DST: variants seen among roughly 807,000 people sequenced by gnomAD.
DST encodes the protein bullous pemphigoid antigen.
In DST, 253 loss-of-function variants were observed where a neutral mutation model predicts 875.2. That is an observed-to-expected ratio of 0.29 (90% CI 0.26 to 0.32). The LOEUF (loss-of-function observed/expected upper bound fraction) is 0.32, where lower values mean the gene tolerates loss of function less well. Among genes scored for constraint, DST ranks in the 10% least tolerant of loss-of-function variants. DST has a pLI of 1.00. For missense variants in DST, 8,287 were observed against 9,111.6 expected (o/e 0.91, Z 3.68); for synonymous variants, 3,124 against 3,197.1 (o/e 0.98, Z 0.77).
At chr6:56,856,488 A>C (rs575343637) in intron 3 of DST, among the ~76,000 whole-genome samples, 4 of 152,310 alleles carry the variant, frequency 2.6e-5, no homozygotes, top group South Asian at 2.1e-4. Flanking sequence ...ACCAAAAAAA[A>C]CCCAAAAATA....
At chr6:56,496,343 T>A (rs1198529744) in intron 82 of DST, among the ~76,000 whole-genome samples, 1 of 152,110 alleles carries the variant, frequency 6.6e-6, no homozygotes, top group East Asian at 1.9e-4. Context: ...TCACATGATC[T>A]AGGTAGGAAC....
rs111874504 is a variant in DST at position 56,869,247 on chromosome 6, A to G, written c.418-17643T>C. Among the ~76,000 whole-genome samples the G allele has an allele frequency of 3.1e-3, 476 of 152,338 alleles. 3 individuals are homozygous for G. The highest frequency in any genetic ancestry group is 0.011 in the African/African-American group (455 of 41,586). On this transcript the variant is annotated intron_variant, in intron 3 of 103. Coordinates refer to ENST00000680361, the MANE Select transcript of DST (RefSeq NM_001374736.1). ...TTCCTAACAAACCTTCCTGCTGTACAGTAGCTAAAAATGCTGGATAAAATA... is the reference window on the plus strand; with the variant it reads ...TTCCTAACAAACCTTCCTGCTGTACGGTAGCTAAAAATGCTGGATAAAATA...
chr6:56,892,721 C>T (rs1413632920), intron 3 of DST, among the ~76,000 whole-genome samples: 3 of 152,170 alleles, frequency 2.0e-5, no homozygotes, highest in Non-Finnish European at 4.4e-5. Context: ...CCTCTTTGTT[C>T]TCTGAATTCC....
intron 2 of DST, among the ~76,000 whole-genome samples, chr6:56,934,969 T>C (rs771736449): frequency 2.0e-5 from 3 of 152,100 alleles, no homozygotes; most frequent in African/African-American, 7.2e-5. Context: ...TAAAAAGAAA[T>C]TTCTTGTTAG....
intron 2 of DST, among the ~76,000 whole-genome samples, chr6:56,947,252 T>C (rs1317660231): frequency 8.4e-6 from 1 of 118,400 alleles, no homozygotes; most frequent in Non-Finnish European, 1.7e-5. Flanking sequence ...TACTCTCTCT[T>C]TTTTTTTTTT....
intron 5 of DST, 136 bp downstream of exon 5, chr6:56,735,092 G>T: frequency 1.5e-6 from 1 of 683,492 alleles, no homozygotes; most frequent in Non-Finnish European, 2.6e-6. Context: ...TGCCTAAAAT[G>T]CATGCAAAAT....
chr6:56,862,958 T>A (rs1347071589), intron 3 of DST: 1 of 152,228 alleles, frequency 6.6e-6, no homozygotes, highest in Non-Finnish European at 1.5e-5. Flanking sequence ...GAGCTCAAGA[T>A]GATGAGGTTC....
At chr6:56,630,193 G>T (rs1346230021) in intron 31 of DST, 52 bp downstream of exon 31, 5 of 1,357,706 alleles carry the variant, frequency 3.7e-6, no homozygotes, top group Non-Finnish European at 5.2e-6. Context: ...AAGTGCTAGA[G>T]AAATACTTGT....
At position 56,619,967 on chromosome 6, in the gene DST, T is replaced by G. The variant is rs200382338; in HGVS notation, c.4929+4563A>C. 1 of 1,614,148 alleles carries G rather than the reference T, an allele frequency of 6.2e-7. No individual in the cohort carries two copies. The highest frequency in any genetic ancestry group is 8.5e-7 in the Non-Finnish European group (1 of 1,180,026). ...GAGTTCTTCTGCTTTCTGCTTGTCATGTTCTTGCTGGAGACCCGTTACTGC... is the reference window on the plus strand; with the variant it reads ...GAGTTCTTCTGCTTTCTGCTTGTCAGGTTCTTGCTGGAGACCCGTTACTGC... On this transcript the variant is annotated intron_variant, in intron 36 of 103. Transcript: ENST00000680361.
At chr6:56,493,139 T>C (rs1200654537) in intron 83 of DST, 50 bp from the exon 84 acceptor site, 1 of 1,542,702 alleles carries the variant, frequency 6.5e-7, no homozygotes, top group African/African-American at 1.4e-5. Context: ...CTTGGTTATT[T>C]TGTTTGTTTC....
At chr6:56,620,076 T>C in intron 36 of DST, 1 of 1,613,744 alleles carries the variant, frequency 6.2e-7, no homozygotes, top group Non-Finnish European at 8.5e-7. Flanking sequence ...ATTTTTCTTC[T>C]TGCTTCCAAT....
At chr6:56,861,456 T>A (rs1025723961) in intron 3 of DST, among the ~76,000 whole-genome samples, 1 of 152,170 alleles carries the variant, frequency 6.6e-6, no homozygotes, top group African/African-American at 2.4e-5. Flanking sequence ...AACCACAGCC[T>A]CCTCTCAAGA....
intron 4 of DST, among the ~76,000 whole-genome samples, chr6:56,779,103 G>A (rs1421159404): frequency 7.2e-5 from 11 of 152,064 alleles, no homozygotes; most frequent in Admixed American, 5.2e-4. Flanking sequence ...GTATCTCATT[G>A]TGGTTTTGAT....
intron 52 of DST, 26 bp downstream of exon 52, chr6:56,572,721 C>T (rs1037162803): frequency 1.2e-5 from 18 of 1,509,242 alleles, no homozygotes; most frequent in African/African-American, 2.8e-5. Context: ...ATCTGATTAG[C>T]CTCCTGAGTA....
At chr6:56,475,394 A>AACACACACACACACACACACACAC (rs35690052) in intron 92 of DST, among the ~76,000 whole-genome samples, 2 of 144,882 alleles carry the variant, frequency 1.4e-5, no homozygotes, top group African/African-American at 5.2e-5. Flanking sequence ...AGGCTTTTAA[A>AACACACACACACACACACACACAC]ACACACACAC....
Position 56,460,162 on chromosome 6 carries a change from AGTT to A in DST, c.23160_23162del (p.Thr7721del), listed in dbSNP as rs767489177. The A allele has an allele frequency of 6.2e-7, 1 of 1,613,868 alleles. No individual in the cohort carries two copies. The highest frequency in any genetic ancestry group is 8.5e-7 in the Non-Finnish European group (1 of 1,179,778). ...ACTGTGTTCGGACTCTGGCAGCTGC[AGTT>A]GTTATCAAGCCACTGTCCTCCCCAG... On this transcript the variant is annotated inframe_deletion, in exon 103 of 104. Transcript: ENST00000680361.
intron 3 of DST, among the ~76,000 whole-genome samples, chr6:56,892,378 C>T (rs1320442686): frequency 6.9e-6 from 1 of 145,650 alleles, no homozygotes; most frequent in Non-Finnish European, 1.5e-5. Context: ...GGCTGGAGTA[C>T]AGCAGCATGA....
intron 10 of DST, among the ~76,000 whole-genome samples, chr6:56,652,865 A>G (rs1464390537): frequency 6.6e-6 from 1 of 152,248 alleles, no homozygotes; most frequent in Non-Finnish European, 1.5e-5. Context: ...ATGGAAGTAA[A>G]TAACAGACCT....
At chr6:56,737,444 C>A (rs927424147) in intron 4 of DST, among the ~76,000 whole-genome samples, 1 of 152,164 alleles carries the variant, frequency 6.6e-6, no homozygotes, top group East Asian at 1.9e-4. Flanking sequence ...TCACATACAC[C>A]TATTTAAGTT....
Sources: gnomAD v4.1 joint callset for allele counts (sites outside exome capture counted in the v4.1 genomes callset) on GRCh38, gnomAD v4.1.1 for gene constraint, MANE v1.5 for transcripts, NCBI Gene and HGNC (gene_info 2026-07-23, HGNC 2026-07-21) for gene names.